Variants in CIB3 observed in about 807,000 individuals in gnomAD.
CIB3 encodes calcium and integrin binding family member 3.
Under a neutral mutation model 23.4 loss-of-function variants are expected in CIB3, and 22 were observed. That is an observed-to-expected ratio of 0.94 (90% CI 0.67 to 1.34). The LOEUF (loss-of-function observed/expected upper bound fraction) is 1.34. CIB3 is among the 40% of genes most tolerant of loss of function. The probability of loss-of-function intolerance (pLI) is 0.00; values close to 1 mark genes in which losing one functional copy is unlikely to be tolerated. For missense variants in CIB3, 258 were observed against 247.3 expected, an observed-to-expected ratio of 1.04 and a Z score of -0.29; for synonymous variants, 93 against 95.8, an observed-to-expected ratio of 0.97 and a Z score of 0.17.
chr19:16,162,175 G>C (rs1020087053), intron 5 of CIB3, among the ~76,000 whole-genome samples: 1 of 149,936 alleles, frequency 6.7e-6, no homozygotes, highest in African/African-American at 2.5e-5. Context: ...GGGAGGCCAA[G>C]GCAGGAGGAT....
chr19:16,166,998 CT>C (rs1289274782), intron 4 of CIB3, among the ~76,000 whole-genome samples: 1 of 151,930 alleles, frequency 6.6e-6, no homozygotes, highest in Non-Finnish European at 1.5e-5. Context: ...GGTGGATCAC[CT>C]GAGGTCAGGA....
chr19:16,165,191 G>A (rs973027016), intron 4 of CIB3, among the ~76,000 whole-genome samples: 1 of 150,804 alleles, frequency 6.6e-6, no homozygotes, highest in Non-Finnish European at 1.5e-5. Context: ...TATTCAGGAG[G>A]CTGAGGCAGG....
rs780598806 is a variant in CIB3 at position 16,173,199 on chromosome 19, G to A, written c.52-3C>T. ...TTCCTTGTGAAAAATGTGCAGTCCT[G>A]TGGAGAGAGGTGTTGTCTTAACCCG... On this transcript the variant is annotated splice_region_variant and splice_polypyrimidine_tract_variant and intron_variant, in intron 1 of 5. Transcript: ENST00000269878. 10 of 1,613,844 alleles carry A rather than the reference G, an allele frequency of 6.2e-6. No individual in the cohort carries two copies. The African/African-American group carries it at 1.3e-4, about 22-fold the overall frequency.
At chr19:16,165,516 T>C (rs889817929) in intron 4 of CIB3, among the ~76,000 whole-genome samples, 1 of 151,568 alleles carries the variant, frequency 6.6e-6, no homozygotes, top group African/African-American at 2.4e-5. Context: ...CGATCTCGGC[T>C]CACTGCAACC....
intron 2 of CIB3, among the ~76,000 whole-genome samples, chr19:16,172,179 G>C (rs1261364155): frequency 6.6e-6 from 1 of 152,208 alleles, no homozygotes; most frequent in Non-Finnish European, 1.5e-5. Flanking sequence ...TTCTGAGGCA[G>C]AGTCTAGCTC....
intron 2 of CIB3, 121 bp downstream of exon 2, chr19:16,173,041 T>TACACAC (rs3076227): frequency 0.017 from 13,503 of 782,568 alleles, 169 homozygotes; most frequent in South Asian, 0.054. Flanking sequence ...AAAGACTACT[T>TACACAC]ACACACACAC....
intron 5 of CIB3, among the ~76,000 whole-genome samples, chr19:16,163,555 AAAAC>A (rs951819792): frequency 4.6e-5 from 7 of 152,186 alleles, no homozygotes; most frequent in African/African-American, 1.4e-4. Context: ...ACTCCGTCTC[AAAAC>A]AAACAAACAA....
intron 2 of CIB3, among the ~76,000 whole-genome samples, chr19:16,172,203 G>A (rs750495181): frequency 2.0e-5 from 3 of 152,186 alleles, no homozygotes; most frequent in Non-Finnish European, 2.9e-5. Context: ...CACCCAGGCT[G>A]GAGCACAGTG....
chr19:16,169,580 G>A (rs2091319312), intron 3 of CIB3, 50 bp downstream of exon 3: 1 of 1,509,704 alleles, frequency 6.6e-7, no homozygotes. Context: ...AATGCAACGA[G>A]AGACATCTCT....
intron 2 of CIB3, 51 bp downstream of exon 2, chr19:16,173,111 G>T (rs962770617): frequency 6.3e-7 from 1 of 1,599,836 alleles, no homozygotes; most frequent in Non-Finnish European, 8.5e-7. Flanking sequence ...CTCCAGCAAT[G>T]AATAGAAAGT....
At position 16,164,969 on chromosome 19, in the gene CIB3, T is replaced by G. The variant is rs568664487; in HGVS notation, c.347-56A>C. Reference sequence around the variant, plus strand: ...CAGGTGGCAGGAGGGCTAGGCCGGCTGTGGGCACATACTGTGCCCATGTTA... The same window carrying G: ...CAGGTGGCAGGAGGGCTAGGCCGGCGGTGGGCACATACTGTGCCCATGTTA... On this transcript the variant is annotated intron_variant, in intron 4 of 5. Transcript: ENST00000269878. The G allele has an allele frequency of 4.5e-4, 655 of 1,457,030 alleles. 4 individuals carry two copies. The African/African-American group carries it at 8.2e-3, about 18-fold the overall frequency. 90.3% of individuals were successfully genotyped at this position (1,457,030 alleles called of 1,614,324 possible).
chr19:16,164,443 G>A (rs1240183618), intron 5 of CIB3, among the ~76,000 whole-genome samples: 2 of 152,076 alleles, frequency 1.3e-5, no homozygotes, highest in African/African-American at 2.4e-5. Context: ...CAGTTACACA[G>A]TCTGTTCACT....
intron 5 of CIB3, among the ~76,000 whole-genome samples, 187 bp from the exon 6 acceptor site, chr19:16,161,673 C>CTTTTT (rs55969649): frequency 2.4e-4 from 24 of 100,040 alleles, no homozygotes; most frequent in South Asian, 3.6e-4. Context: ...TTTTTTAATT[C>CTTTTT]TTTTTTTTTT....
chr19:16,169,094 A>G (rs951446262), intron 3 of CIB3, among the ~76,000 whole-genome samples: 1 of 151,970 alleles, frequency 6.6e-6, no homozygotes, highest in Non-Finnish European at 1.5e-5. Context: ...TGTTGCCTGT[A>G]TTATCTCGTT....
chr19:16,173,399 T>C, intron 1 of CIB3, 26 bp downstream of exon 1: 1 of 1,609,604 alleles, frequency 6.2e-7, no homozygotes, highest in Non-Finnish European at 8.5e-7. Context: ...TCAAACCCAC[T>C]GAGGACCCAT....
chr19:16,168,011 G>A, intron 4 of CIB3, 126 bp downstream of exon 4: 1 of 1,223,676 alleles, frequency 8.2e-7, no homozygotes, highest in South Asian at 1.5e-5. Context: ...TTGGAGTGGG[G>A]TGGAGGACAG....
chr19:16,169,183 G>A (rs1460409913), intron 3 of CIB3, among the ~76,000 whole-genome samples: 4 of 151,946 alleles, frequency 2.6e-5, no homozygotes, highest in Non-Finnish European at 2.9e-5. Flanking sequence ...TCACTCTGTC[G>A]CCCAGGCTGG....
chr19:16,173,016 GAGAAAGAA>G lies in CIB3; in HGVS notation c.86+138_86+145del, dbSNP rs375592265. The G allele has an allele frequency of 3.7e-6, 4 of 1,077,312 alleles. No individual in the cohort carries two copies. The Admixed American group carries it at 5.7e-5, about 15-fold the overall frequency. 66.7% of individuals were successfully genotyped at this position (1,077,312 alleles called of 1,614,324 possible). A position where few individuals can be genotyped will look rare whatever the true frequency, so the allele number is the denominator to read the frequency against. ...GAGGGAGGGAGAGAGAGAGAGAAAA[GAGAAAGAA>G]AGAAAGAAAGACTACTTACACACAC... On this transcript the variant is annotated intron_variant, in intron 2 of 5. Transcript: ENST00000269878.
intron 2 of CIB3, among the ~76,000 whole-genome samples, chr19:16,171,822 C>T (rs1453438009): frequency 6.6e-6 from 1 of 152,224 alleles, no homozygotes; most frequent in African/African-American, 2.4e-5. Flanking sequence ...CAATGGGGCT[C>T]ACTAGTAAAA....
Sources: gnomAD v4.1 joint callset for allele counts (sites outside exome capture counted in the v4.1 genomes callset) on GRCh38, gnomAD v4.1.1 for gene constraint, MANE v1.5 for transcripts, NCBI Gene and HGNC (gene_info 2026-07-23, HGNC 2026-07-21) for gene names.